Variants in PLEKHA5 observed in about 807,000 individuals in gnomAD.
PLEKHA5 encodes pleckstrin homology domain containing A5, also known as pleckstrin homology domain-containing family A member 5.
PLEKHA5 carries 55 observed loss-of-function variants against 181.9 expected under a neutral mutation model. That is an observed-to-expected ratio of 0.30 (90% CI 0.24 to 0.38). The LOEUF (loss-of-function observed/expected upper bound fraction) is 0.38. Ranked by LOEUF, PLEKHA5 falls within the 10% of genes least tolerant of loss-of-function variation. The pLI is 1.00. For missense variants in PLEKHA5, 1,432 were observed against 1,549.5 expected (o/e 0.92, Z 1.27); for synonymous variants, 535 against 529.4 (o/e 1.01, Z -0.15).
chr12:19,326,886 A>G (rs138281634), intron 20 of PLEKHA5, among the ~76,000 whole-genome samples: 220 of 152,330 alleles, frequency 1.4e-3, no homozygotes, highest in African/African-American at 5.2e-3. Flanking sequence ...TGATGCTGCA[A>G]AGGACATGAT....
chr12:19,199,187 A>G (rs899768009), intron 3 of PLEKHA5, among the ~76,000 whole-genome samples: 3 of 152,200 alleles, frequency 2.0e-5, no homozygotes, highest in African/African-American at 7.2e-5. Flanking sequence ...CAGAATTTAT[A>G]CCTCTGCCTA....
chr12:19,220,207 T>TC (rs1321264837), intron 3 of PLEKHA5, among the ~76,000 whole-genome samples: 1 of 151,662 alleles, frequency 6.6e-6, no homozygotes, highest in African/African-American at 2.4e-5. Context: ...CTCTTTTCTT[T>TC]TTTTTTTTAA....
chr12:19,373,939 G>A, intron 31 of PLEKHA5, among the ~76,000 whole-genome samples: 1 of 96,318 alleles, frequency 1.0e-5, no homozygotes, highest in Non-Finnish European at 3.1e-5. Flanking sequence ...ATTTTATTTT[G>A]TTTTCTTCTT....
intron 20 of PLEKHA5, among the ~76,000 whole-genome samples, chr12:19,330,797 C>T (rs2092764868): frequency 6.6e-6 from 1 of 151,966 alleles, no homozygotes; most frequent in African/African-American, 2.4e-5. Context: ...TTTGCCTGAT[C>T]CTCGAAATAT....
rs2150931105 is a variant in PLEKHA5, at chr12:19,130,087, C to T, written c.126C>T (p.Val42=). Residue 42 remains valine (V), a synonymous_variant, in exon 2 of 32, where the codon GTC becomes GTT. Transcript: ENST00000429027. This position sits in a 1 kb window ranked among gnomAD's most constrained non-coding sequence, Gnocchi z 4.5. Reference sequence around the variant, plus strand: ...AGAGCACCACCTGGCTGCACCCCGTCACCGGCGAGGCGGTGGTCACCGGAC... The same window carrying T: ...AGAGCACCACCTGGCTGCACCCCGTTACCGGCGAGGCGGTGGTCACCGGAC... ...EAKSTTWLHP[V]TGEAVVTGHR... 6.3e-7 allele frequency: 1 copy of T among 1,590,842 alleles called. No individual in the cohort carries two copies.
Position 19,358,417 on chromosome 12 carries a change from A to G in PLEKHA5, c.3328A>G (p.Asn1110Asp). Residue 1110 changes from asparagine to aspartate, a missense_variant, in exon 27 of 32, where the codon AAT becomes GAT. This residue lies in a region of PLEKHA5 where 1,143 missense variants were observed against 1,168.4 expected (regional missense o/e 0.98). Coordinates refer to ENST00000429027, the MANE Select transcript of PLEKHA5 (RefSeq NM_001256470.2). The stretch of plus-strand genomic sequence containing the variant: ...ACAAAGCCCTTCAAATTTAAGGGAT[A>G]ATCCATTTAGGACTACTCAGGTATA... Reference protein sequence around the residue: ...PLQSPSNLRDNPFRTTQTRRR... With the variant: ...PLQSPSNLRDDPFRTTQTRRR... 6.2e-7 allele frequency: 1 copy of G among 1,608,818 alleles called. No homozygotes were observed. The highest frequency in any genetic ancestry group is 8.5e-7 in the Non-Finnish European group (1 of 1,175,164).
At chr12:19,308,079 G>C (rs575129147) in intron 15 of PLEKHA5, among the ~76,000 whole-genome samples, 17 of 152,038 alleles carry the variant, frequency 1.1e-4, no homozygotes, top group Non-Finnish European at 2.5e-4. Flanking sequence ...AGAGGAACAA[G>C]GGTATGACAG....
At chr12:19,245,134 A>G (rs2063416474) in intron 3 of PLEKHA5, among the ~76,000 whole-genome samples, 1 of 152,236 alleles carries the variant, frequency 6.6e-6, no homozygotes, top group Non-Finnish European at 1.5e-5. Context: ...ACCTTCCCAA[A>G]GCAAGAAACT....
At chr12:19,270,279 A>AG in intron 10 of PLEKHA5, 74 bp downstream of exon 10, 3 of 757,656 alleles carry the variant, frequency 4.0e-6, no homozygotes, top group Non-Finnish European at 5.9e-6. Flanking sequence ...TTAAGATTCT[A>AG]AATCTTAGAA....
At chr12:19,308,214 A>G (rs2084860989) in intron 15 of PLEKHA5, among the ~76,000 whole-genome samples, 1 of 152,164 alleles carries the variant, frequency 6.6e-6, no homozygotes, top group Non-Finnish European at 1.5e-5. Context: ...AATGATCATC[A>G]TGAAGAAGAC....
At chr12:19,337,548 C>CAAAA (rs1157232818) in intron 21 of PLEKHA5, among the ~76,000 whole-genome samples, 5 of 61,656 alleles carry the variant, frequency 8.1e-5, no homozygotes, top group East Asian at 1.3e-3. Context: ...GACTCTATCT[C>CAAAA]AAAAAAAAAA....
chr12:19,204,573 A>G (rs2054948839), intron 3 of PLEKHA5, among the ~76,000 whole-genome samples: 1 of 152,146 alleles, frequency 6.6e-6, no homozygotes, highest in African/African-American at 2.4e-5. Context: ...CATACACAGA[A>G]TATTTTGCTG....
At chr12:19,359,334 A>T in intron 27 of PLEKHA5, 78 bp from the exon 28 acceptor site, 1 of 1,274,224 alleles carries the variant, frequency 7.8e-7, no homozygotes, top group South Asian at 1.6e-5. Context: ...TTCTATTTTG[A>T]GAATTAACAG....
chr12:19,245,120 T>C (rs1173029784), intron 3 of PLEKHA5, among the ~76,000 whole-genome samples: 3 of 152,190 alleles, frequency 2.0e-5, no homozygotes, highest in African/African-American at 7.2e-5. Context: ...TAAATTACCC[T>C]TTTACCTTCC....
intron 7 of PLEKHA5, among the ~76,000 whole-genome samples, chr12:19,265,163 C>T (rs1297629446): frequency 6.6e-6 from 1 of 152,150 alleles, no homozygotes; most frequent in Non-Finnish European, 1.5e-5. Context: ...ATGTCGTCTT[C>T]ATTTATTCAA....
chr12:19,255,213 T>C (rs2066526093), intron 5 of PLEKHA5, 48 bp downstream of exon 5: 4 of 1,192,774 alleles, frequency 3.4e-6, no homozygotes, highest in Non-Finnish European at 4.6e-6. Flanking sequence ...GTAAACAGTA[T>C]CTATACCGTT....
intron 3 of PLEKHA5, among the ~76,000 whole-genome samples, chr12:19,155,056 G>A (rs189124623): frequency 8.7e-4 from 133 of 152,246 alleles, no homozygotes; most frequent in African/African-American, 3.1e-3. Flanking sequence ...AACGTAGGAA[G>A]GAATACTACA....
chr12:19,226,792 G>T (rs185528800), intron 3 of PLEKHA5, among the ~76,000 whole-genome samples: 122 of 152,258 alleles, frequency 8.0e-4, no homozygotes, highest in Non-Finnish European at 1.4e-3. Context: ...AGAACTGAAT[G>T]TGCTCTGTTA....
chr12:19,333,944 T>C (rs1283876744), intron 20 of PLEKHA5, among the ~76,000 whole-genome samples: 3 of 152,144 alleles, frequency 2.0e-5, no homozygotes, highest in Non-Finnish European at 4.4e-5. Context: ...CCTGGCATTC[T>C]CTACTTTTTA....
Sources: allele counts gnomAD v4.1 joint callset (sites outside exome capture counted in the v4.1 genomes callset), GRCh38; gene constraint gnomAD v4.1.1; regional missense constraint gnomAD v4.1.1; non-coding constraint Gnocchi (gnomAD v3.1); transcripts MANE v1.5; gene names NCBI Gene and HGNC (gene_info 2026-07-23, HGNC 2026-07-21).